CA10: variants seen among roughly 807,000 people sequenced by gnomAD.
CA10 encodes the protein carbonic anhydrase-related protein 10.
In CA10, 14 loss-of-function variants were observed where a neutral mutation model predicts 44.2. The observed-to-expected ratio is 0.32, with a 90% confidence interval of 0.21 to 0.50. The LOEUF (loss-of-function observed/expected upper bound fraction) is 0.50, where lower values mean the gene tolerates loss of function less well. Among genes scored for constraint, CA10 ranks in the 20% least tolerant of loss-of-function variants. The probability of loss-of-function intolerance (pLI) is 0.99; values close to 1 mark genes in which losing one functional copy is unlikely to be tolerated. For synonymous variants in CA10, 159 were observed against 141.6 expected (o/e 1.12, Z -0.87); for missense variants, 350 against 409.7 (o/e 0.85, Z 1.26).
chr17:52,011,985 G>A (rs1446405828), intron 2 of CA10, among the ~76,000 whole-genome samples: 1 of 152,038 alleles, frequency 6.6e-6, no homozygotes, highest in Non-Finnish European at 1.5e-5. Context: ...AGCAGTGAAG[G>A]TGAGTGCAAA....
intron 3 of CA10, among the ~76,000 whole-genome samples, chr17:51,795,643 T>C (rs926479235): frequency 1.4e-4 from 22 of 152,220 alleles, no homozygotes; most frequent in Admixed American, 1.1e-3. Flanking sequence ...CTGTGTTTCT[T>C]GGCATCACTT....
chr17:51,884,415 C>A (rs12149982), intron 3 of CA10, among the ~76,000 whole-genome samples: 1 of 152,080 alleles, frequency 6.6e-6, no homozygotes, highest in Non-Finnish European at 1.5e-5. Flanking sequence ...TTCTCTAGAA[C>A]GGGTTGTCTT....
chr17:52,143,840 G>C (rs895856015), intron 1 of CA10, among the ~76,000 whole-genome samples: 1 of 152,154 alleles, frequency 6.6e-6, no homozygotes, highest in African/African-American at 2.4e-5. Flanking sequence ...CAAACACTGG[G>C]AAAAGCTCTA....
At chr17:51,874,602 C>T (rs1979969248) in intron 3 of CA10, among the ~76,000 whole-genome samples, 1 of 152,066 alleles carries the variant, frequency 6.6e-6, no homozygotes, top group Non-Finnish European at 1.5e-5. Context: ...TTAACGTGGT[C>T]TATTATATTA....
At chr17:51,910,299 T>C (rs1428898376) in intron 3 of CA10, among the ~76,000 whole-genome samples, 3 of 141,080 alleles carry the variant, frequency 2.1e-5, no homozygotes, top group Non-Finnish European at 4.7e-5. Flanking sequence ...ATAAACAAAA[T>C]ATCCTTCTAC....
chr17:51,884,539 G>A (rs573096915), intron 3 of CA10, among the ~76,000 whole-genome samples: 74 of 152,228 alleles, frequency 4.9e-4, no homozygotes, highest in African/African-American at 1.7e-3. Flanking sequence ...TTCTCATTGA[G>A]GCTTTCCATG....
At chr17:51,644,151 A>G (rs1235740998) in intron 6 of CA10, among the ~76,000 whole-genome samples, 1 of 142,142 alleles carries the variant, frequency 7.0e-6, no homozygotes, top group African/African-American at 2.6e-5. Flanking sequence ...GGCTCAAAAG[A>G]ATGATTTTGC....
At chr17:51,711,616 G>T (rs1014615706) in intron 4 of CA10, among the ~76,000 whole-genome samples, 3 of 152,224 alleles carry the variant, frequency 2.0e-5, no homozygotes, top group African/African-American at 7.2e-5. Context: ...TTTTCCTGAG[G>T]ATATGGTCCC....
intron 3 of CA10, among the ~76,000 whole-genome samples, chr17:51,835,385 A>T (rs1323254468): frequency 6.6e-6 from 1 of 152,134 alleles, no homozygotes; most frequent in Non-Finnish European, 1.5e-5. Flanking sequence ...GTCAAGATTT[A>T]CTTTGTGGCA....
chr17:51,891,879 C>T (rs1980872131), intron 3 of CA10, among the ~76,000 whole-genome samples: 1 of 152,182 alleles, frequency 6.6e-6, no homozygotes, highest in Non-Finnish European at 1.5e-5. Context: ...AATCCCCTCC[C>T]AAGACTGTCA....
At chr17:52,076,929 A>T (rs1987833159) in intron 1 of CA10, among the ~76,000 whole-genome samples, 1 of 152,162 alleles carries the variant, frequency 6.6e-6, no homozygotes, top group Admixed American at 6.6e-5. Context: ...TATGGATCAG[A>T]ATTTTTTAAT....
chr17:52,021,892 A>G (rs533710724), intron 2 of CA10, among the ~76,000 whole-genome samples: 2 of 152,230 alleles, frequency 1.3e-5, no homozygotes, highest in East Asian at 1.9e-4. Context: ...AACATGTGCC[A>G]GAATTGAATC....
rs1456655890 is a variant in CA10, at chr17:52,072,719, C to CA, written c.62-327dup. 3.8e-5 allele frequency among the ~76,000 whole-genome samples: 5 copies of CA among 131,146 alleles called. No individual in the cohort carries two copies. In the Admixed American group the frequency reaches 3.9e-4, roughly 10 times the overall value. 86.0% of individuals were successfully genotyped at this position (131,146 alleles called of 152,430 possible). ...CACACACACACACACACACACACAA[C>CA]ACACACACAGTGCTCCTGCTGAAAC... On this transcript the variant is annotated intron_variant, in intron 1 of 8. Transcript: ENST00000451037.
At chr17:51,885,274 T>C (rs1043900835) in intron 3 of CA10, among the ~76,000 whole-genome samples, 1 of 152,186 alleles carries the variant, frequency 6.6e-6, no homozygotes, top group Non-Finnish European at 1.5e-5. Flanking sequence ...TAAATCCCTC[T>C]GCTAGCTCCT....
intron 2 of CA10, among the ~76,000 whole-genome samples, chr17:51,960,293 A>C (rs1054643330): frequency 4.6e-5 from 7 of 152,132 alleles, no homozygotes; most frequent in Admixed American, 1.3e-4. Flanking sequence ...CATGTCTTAC[A>C]TTTGTGTTAC....
intron 2 of CA10, among the ~76,000 whole-genome samples, chr17:52,071,526 A>C (rs1987679076): frequency 6.6e-6 from 1 of 152,196 alleles, no homozygotes; most frequent in Non-Finnish European, 1.5e-5. Flanking sequence ...CACCAACTAC[A>C]GAGACCTCAA....
chr17:51,975,037 T>C (rs1598148346), intron 2 of CA10, among the ~76,000 whole-genome samples: 1 of 152,108 alleles, frequency 6.6e-6, no homozygotes, highest in South Asian at 2.1e-4. Flanking sequence ...TTGTGTTTCT[T>C]GGAGAGTTAA....
At chr17:51,919,339 T>G (rs1356477376) in intron 3 of CA10, among the ~76,000 whole-genome samples, 1 of 152,148 alleles carries the variant, frequency 6.6e-6, no homozygotes, top group African/African-American at 2.4e-5. Flanking sequence ...TTGGAGAGAA[T>G]GTACAACTGA....
chr17:51,663,763 C>T (rs1482108127), intron 4 of CA10, among the ~76,000 whole-genome samples: 1 of 152,036 alleles, frequency 6.6e-6, no homozygotes, highest in Admixed American at 6.6e-5. Context: ...AGGGAGAGGC[C>T]CTAGAATGAT....
Sources: gnomAD v4.1 joint callset for allele counts (sites outside exome capture counted in the v4.1 genomes callset) on GRCh38, gnomAD v4.1.1 for gene constraint, MANE v1.5 for transcripts, NCBI Gene and HGNC (gene_info 2026-07-23, HGNC 2026-07-21) for gene names.